Variants in ST18 observed in about 807,000 individuals in gnomAD.
ST18 encodes the protein suppression of tumorigenicity 18 protein.
A neutral mutation model predicts 110.0 loss-of-function variants in ST18; 50 were observed. That is an observed-to-expected ratio of 0.45 (90% CI 0.36 to 0.58). ST18 has a LOEUF of 0.58. Ranked by LOEUF, ST18 falls within the 20% of genes least tolerant of loss-of-function variation. The pLI is 0.00. For synonymous variants in ST18, 461 were observed against 452.4 expected, an observed-to-expected ratio of 1.02 and a Z score of -0.24; for missense variants, 1,306 against 1,280.1, an observed-to-expected ratio of 1.02 and a Z score of -0.31.
chr8:52,321,824 A>G (rs1389433676), intron 2 of ST18, among the ~76,000 whole-genome samples: 3 of 152,234 alleles, frequency 2.0e-5, no homozygotes, highest in Admixed American at 2.0e-4. Context: ...GTAGGTCCTC[A>G]TCCTGATGCC....
At chr8:52,178,001 T>C (rs772691690) in intron 9 of ST18, among the ~76,000 whole-genome samples, 18 of 152,180 alleles carry the variant, frequency 1.2e-4, no homozygotes, top group Non-Finnish European at 2.2e-4. Context: ...AATATAAACA[T>C]AGTTAGCCTA....
chr8:52,279,460 GA>G (rs567061172), intron 2 of ST18, among the ~76,000 whole-genome samples: 6 of 151,982 alleles, frequency 3.9e-5, no homozygotes, highest in Non-Finnish European at 8.8e-5. Context: ...GGAAATCACA[GA>G]AAAAAATATT....
chr8:52,253,978 TGAGAGAGAGAGA>T (rs10547061), intron 2 of ST18, among the ~76,000 whole-genome samples: 5,532 of 149,722 alleles, frequency 0.037, 335 homozygotes, highest in African/African-American at 0.13. Context: ...TGTGAGAGAT[TGAGAGAGAGAGA>T]GAGAGAGAGA....
chr8:52,340,104 A>G (rs776439745), intron 2 of ST18, among the ~76,000 whole-genome samples: 2 of 152,264 alleles, frequency 1.3e-5, no homozygotes, highest in Non-Finnish European at 2.9e-5. Context: ...GACTAAAAGC[A>G]AAGGCAAGTT....
At chr8:52,202,425 TA>T (rs926010497) in intron 8 of ST18, among the ~76,000 whole-genome samples, 2 of 152,208 alleles carry the variant, frequency 1.3e-5, no homozygotes, top group Non-Finnish European at 2.9e-5. Flanking sequence ...GTTTTTTTTT[TA>T]AATATAGGTT....
intron 17 of ST18, 167 bp from the exon 18 acceptor site, chr8:52,137,650 G>T: frequency 1.8e-6 from 1 of 566,026 alleles, no homozygotes; most frequent in Non-Finnish European, 3.0e-6. Flanking sequence ...AAGAACCAGT[G>T]GACTACCTGA....
chr8:52,348,837 A>G (rs1440195903), intron 2 of ST18, among the ~76,000 whole-genome samples: 2 of 152,218 alleles, frequency 1.3e-5, no homozygotes, highest in Admixed American at 1.3e-4. Context: ...TCAACATATT[A>G]TTATTAGATA....
intron 16 of ST18, among the ~76,000 whole-genome samples, chr8:52,149,330 C>T (rs1194849376): frequency 6.6e-6 from 1 of 152,244 alleles, no homozygotes; most frequent in Non-Finnish European, 1.5e-5. Context: ...TTTGACATGA[C>T]TCAAAGATTC....
chr8:52,327,788 G>A (rs535286995), intron 2 of ST18, among the ~76,000 whole-genome samples: 1 of 152,282 alleles, frequency 6.6e-6, no homozygotes, highest in South Asian at 2.1e-4. Flanking sequence ...TCATTATGAA[G>A]TTGAGCCAAC....
intron 2 of ST18, among the ~76,000 whole-genome samples, chr8:52,338,471 C>A (rs1813256508): frequency 6.6e-6 from 1 of 151,988 alleles, no homozygotes; most frequent in Non-Finnish European, 1.5e-5. Flanking sequence ...CCCTCAGTAT[C>A]CAAGGTAGAT....
intron 8 of ST18, among the ~76,000 whole-genome samples, chr8:52,207,618 T>C (rs552856436): frequency 2.0e-5 from 3 of 152,344 alleles, no homozygotes; most frequent in South Asian, 4.1e-4. Context: ...TAAGAAATTA[T>C]GTAAAATAAA....
intron 2 of ST18, among the ~76,000 whole-genome samples, chr8:52,332,663 C>T (rs1192872652): frequency 2.0e-5 from 3 of 150,122 alleles, no homozygotes; most frequent in Non-Finnish European, 4.4e-5. Flanking sequence ...CCAGCCTGAC[C>T]AACATGGTGA....
At chr8:52,204,365 G>A (rs1416764032) in intron 8 of ST18, among the ~76,000 whole-genome samples, 1 of 152,194 alleles carries the variant, frequency 6.6e-6, no homozygotes, top group Non-Finnish European at 1.5e-5. Context: ...TGTGATGTGT[G>A]CCTCTCAAAC....
intron 2 of ST18, among the ~76,000 whole-genome samples, chr8:52,261,887 A>AT: frequency 6.6e-6 from 1 of 152,276 alleles, no homozygotes; most frequent in South Asian, 2.1e-4. Context: ...AAATTCAGTG[A>AT]TCCCCATCCT....
chr8:52,302,372 G>C (rs2095739201), intron 2 of ST18, among the ~76,000 whole-genome samples: 1 of 152,198 alleles, frequency 6.6e-6, no homozygotes, highest in Admixed American at 6.5e-5. Context: ...TAAATTGATA[G>C]ATGTAGAAAT....
intron 22 of ST18, among the ~76,000 whole-genome samples, chr8:52,129,682 C>A (rs936415309): frequency 6.6e-6 from 1 of 152,116 alleles, no homozygotes; most frequent in Non-Finnish European, 1.5e-5. Flanking sequence ...AGAGAACTTT[C>A]GAGTCAAGAA....
chr8:52,133,322 G>T, intron 19 of ST18, 21 bp from the exon 20 acceptor site: 3 of 1,614,100 alleles, frequency 1.9e-6, no homozygotes, highest in Non-Finnish European at 2.5e-6. Flanking sequence ...CAGGAAGAGA[G>T]CATGGGCTGA....
chr8:52,385,155 C>T (rs1440239145), intron 2 of ST18, among the ~76,000 whole-genome samples: 1 of 152,112 alleles, frequency 6.6e-6, no homozygotes, highest in Admixed American at 6.6e-5. Context: ...CGAGACTGAA[C>T]TAGAAATACA....
At chr8:52,184,777 A>G (rs1348559127) in intron 8 of ST18, among the ~76,000 whole-genome samples, 1 of 152,184 alleles carries the variant, frequency 6.6e-6, no homozygotes, top group South Asian at 2.1e-4. Flanking sequence ...CACATCCCCA[A>G]AAGAATAAAA....
Sources: gnomAD v4.1 joint callset for allele counts (sites outside exome capture counted in the v4.1 genomes callset) on GRCh38, gnomAD v4.1.1 for gene constraint, MANE v1.5 for transcripts, NCBI Gene and HGNC (gene_info 2026-07-23, HGNC 2026-07-21) for gene names.